Variants in MAML2 observed in about 807,000 individuals in gnomAD.
The protein encoded by MAML2 is mastermind like transcriptional coactivator 2, also known as mastermind-like protein 2.
Under a neutral mutation model 96.1 loss-of-function variants are expected in MAML2, and 22 were observed. The ratio of observed to expected loss-of-function variants is 0.23; its 90% CI spans 0.16 to 0.33. The LOEUF (loss-of-function observed/expected upper bound fraction) is 0.33. MAML2 is among the 10% of genes least tolerant of loss of function. The pLI, the probability that MAML2 is intolerant of heterozygous loss-of-function variation, is 1.00. For synonymous variants in MAML2, 561 were observed against 521.3 expected, an observed-to-expected ratio of 1.08 and a Z score of -1.04; for missense variants, 1,367 against 1,392.4, an observed-to-expected ratio of 0.98 and a Z score of 0.29.
intron 1 of MAML2, among the ~76,000 whole-genome samples, chr11:96,223,747 T>A (rs1393056683): frequency 6.6e-6 from 1 of 152,166 alleles, no homozygotes. Context: ...GGTAGTTTCC[T>A]CTTTCTGAGG....
chr11:96,039,427 A>G (rs1858770774), intron 2 of MAML2, among the ~76,000 whole-genome samples: 1 of 151,112 alleles, frequency 6.6e-6, no homozygotes, highest in African/African-American at 2.4e-5. Context: ...AGGGAAGAGG[A>G]GAGGAGGGAA....
intron 1 of MAML2, among the ~76,000 whole-genome samples, chr11:96,324,281 G>A (rs1403670211): frequency 6.6e-6 from 1 of 152,152 alleles, no homozygotes; most frequent in Non-Finnish European, 1.5e-5. Context: ...CTTGCCAAAT[G>A]GGAATAAGAT....
At chr11:96,049,041 T>C (rs1011833224) in intron 2 of MAML2, among the ~76,000 whole-genome samples, 2 of 152,238 alleles carry the variant, frequency 1.3e-5, no homozygotes, top group South Asian at 4.1e-4. Flanking sequence ...TCCACTATAA[T>C]GAACCAGTGA....
rs532453404 is a variant in MAML2 at position 96,253,261 on chromosome 11, A to G, written c.513+88122T>C. 1.2e-3 allele frequency among the ~76,000 whole-genome samples: 181 copies of G among 152,302 alleles called. 1 individual carries two copies. The highest frequency in any genetic ancestry group is 1.9e-3 in the Non-Finnish European group (132 of 68,004). On this transcript the variant is annotated intron_variant, in intron 1 of 4. Coordinates refer to ENST00000524717, the MANE Select transcript of MAML2 (RefSeq NM_032427.4). ...CTTTGATTTTCTAAATCATCTTTTG[A>G]TTTACTCTAGTAGAGGAAAATCAAT...
chr11:96,166,493 G>C (rs1861197540), intron 1 of MAML2, among the ~76,000 whole-genome samples: 1 of 152,204 alleles, frequency 6.6e-6, no homozygotes, highest in African/African-American at 2.4e-5. Context: ...CTTGCACAGT[G>C]GAAGTTAGAA....
At chr11:96,143,986 A>G (rs1171602242) in intron 1 of MAML2, among the ~76,000 whole-genome samples, 1 of 152,208 alleles carries the variant, frequency 6.6e-6, no homozygotes, top group African/African-American at 2.4e-5. Context: ...AATTGCACTA[A>G]GTATCATCCT....
intron 1 of MAML2, among the ~76,000 whole-genome samples, chr11:96,161,798 A>C (rs1282470609): frequency 6.6e-6 from 1 of 152,178 alleles, no homozygotes; most frequent in Admixed American, 6.5e-5. Flanking sequence ...TATATCTCCC[A>C]GTTTGCCTCC....
chr11:96,173,523 C>T (rs1053557379), intron 1 of MAML2, among the ~76,000 whole-genome samples: 5 of 152,108 alleles, frequency 3.3e-5, no homozygotes, highest in African/African-American at 7.2e-5. Flanking sequence ...ACGGGTAGGA[C>T]ACTAAGAGCT....
rs111801400 is a variant in MAML2 at position 96,092,183 on chromosome 11, C to A, written c.1848G>T (p.Gln616His). Residue 616 changes from glutamine (Q) to histidine (H), a missense_variant, in exon 2 of 5, where the codon CAG becomes CAT. By Grantham distance (24) the Gln-to-His change is conservative (BLOSUM62 0). Coordinates refer to ENST00000524717, the MANE Select transcript of MAML2 (RefSeq NM_032427.4). The surrounding 1 kb of genome is among the most constrained non-coding windows in gnomAD (Gnocchi z 4.1). Reference protein sequence around the residue: ...QQQQQQQQQQQQQQQQSSISA... With the variant: ...QQQQQQQQQQHQQQQQSSISA... ...AAATTGAACTCTGCTGTTGCTGTTG[C>A]TGTTGCTGTTGCTGCTGCTGCTGCT... 15 of 1,539,746 alleles carry A rather than the reference C, an allele frequency of 9.7e-6. No homozygotes were observed. Among genetic ancestry groups the A allele is most frequent in the Non-Finnish European group, 1.2e-5 (14 of 1,141,988 alleles).
At chr11:96,265,821 A>G (rs1862818194) in intron 1 of MAML2, among the ~76,000 whole-genome samples, 1 of 152,142 alleles carries the variant, frequency 6.6e-6, no homozygotes, top group Admixed American at 6.5e-5. Context: ...TATGGGGAAA[A>G]TCATCTCCCT....
At position 96,126,383 on chromosome 11, in the gene MAML2, C is replaced by A. The variant is rs958509231; in HGVS notation, c.514-32866G>T. 7.2e-5 allele frequency among the ~76,000 whole-genome samples: 11 copies of A among 152,188 alleles called. 1 individual carries two copies. The East Asian group carries it at 2.1e-3, about 29-fold the overall frequency. On this transcript the variant is annotated intron_variant, in intron 1 of 4. Coordinates refer to ENST00000524717, the MANE Select transcript of MAML2 (RefSeq NM_032427.4). ...GACAAGCCTGACCAATATGGTGAAA[C>A]CCTGTCTCTACTGAAAATACAAAAA...
intron 1 of MAML2, among the ~76,000 whole-genome samples, chr11:96,134,700 A>G (rs1860599614): frequency 6.6e-6 from 1 of 152,326 alleles, no homozygotes; most frequent in South Asian, 2.1e-4. Flanking sequence ...TTGTGGTAAA[A>G]AGTAAGTGGC....
At chr11:96,276,442 A>G (rs1399812928) in intron 1 of MAML2, among the ~76,000 whole-genome samples, 1 of 152,180 alleles carries the variant, frequency 6.6e-6, no homozygotes, top group Admixed American at 6.5e-5. Context: ...CCTAAAATCT[A>G]AAACAGCAAA....
chr11:96,226,922 A>G (rs1862218981), intron 1 of MAML2, among the ~76,000 whole-genome samples: 1 of 152,262 alleles, frequency 6.6e-6, no homozygotes, highest in Non-Finnish European at 1.5e-5. Context: ...ACTGCATAAA[A>G]TAGAATATCT....
Position 95,979,587 on chromosome 11 carries a change from C to T in MAML2, c.2832G>A (p.Met944Ile), listed in dbSNP as rs760408891. ...ATGTTCTCTGTGGTGGCATGCTTGC[C>T]ATACTATGGGTTAAATTTGGTCTCA... The part of the protein sequence containing the change: ...QQLRPNLTHS[M>I]ASMPPQRTSN... Residue 944 changes from methionine to isoleucine, a missense_variant, in exon 5 of 5, where the codon ATG (methionine) becomes ATA (isoleucine). Met to Ile is a conservative substitution (Grantham distance 10). Transcript: ENST00000524717. 14 of 1,613,766 alleles carry T rather than the reference C, an allele frequency of 8.7e-6. No individual in the cohort carries two copies.
At chr11:96,115,168 T>TG (rs530764619) in intron 1 of MAML2, among the ~76,000 whole-genome samples, 93 of 152,056 alleles carry the variant, frequency 6.1e-4, no homozygotes, top group Admixed American at 2.3e-3. Context: ...TTTTTGCTTT[T>TG]TTTTTTTTCT....
chr11:96,086,215 T>A (rs1021420746), intron 2 of MAML2, among the ~76,000 whole-genome samples: 1 of 152,224 alleles, frequency 6.6e-6, no homozygotes, highest in Non-Finnish European at 1.5e-5. Context: ...TCATTTAATC[T>A]TTTAATCCCC....
rs1857671005 is a variant in MAML2, at chr11:95,977,840, G to A, written c.*1108C>T. ...AATCCAAATAATACGTCCAATGAAG[G>A]ACAAATTGTTTTCCCTCTTGATTAT... On this transcript the variant is annotated 3_prime_UTR_variant, in exon 5 of 5. Coordinates refer to ENST00000524717, the MANE Select transcript of MAML2 (RefSeq NM_032427.4). 4.4e-6 allele frequency: 1 copy of A among 226,140 alleles called. No individual in the cohort carries two copies. Among genetic ancestry groups the A allele is most frequent in the African/African-American group, 2.2e-5 (1 of 44,980 alleles). 14.0% of individuals were successfully genotyped at this position (226,140 alleles called of 1,614,324 possible). A position where few individuals can be genotyped will look rare whatever the true frequency, so the allele number is the denominator to read the frequency against.
At chr11:96,320,902 T>C (rs928457141) in intron 1 of MAML2, among the ~76,000 whole-genome samples, 2 of 152,092 alleles carry the variant, frequency 1.3e-5, no homozygotes, top group Non-Finnish European at 2.9e-5. Context: ...GCACATCCAG[T>C]TGGAAGAGTG....
Sources: allele counts gnomAD v4.1 joint callset (sites outside exome capture counted in the v4.1 genomes callset), GRCh38; gene constraint gnomAD v4.1.1; non-coding constraint Gnocchi (gnomAD v3.1); transcripts MANE v1.5; gene names NCBI Gene and HGNC (gene_info 2026-07-23, HGNC 2026-07-21).